USP25: variants seen among roughly 807,000 people sequenced by gnomAD.
USP25 encodes the protein ubiquitin carboxyl-terminal hydrolase 25.
A neutral mutation model predicts 158.5 loss-of-function variants in USP25; 85 were observed. The ratio of observed to expected loss-of-function variants is 0.54; its 90% CI spans 0.45 to 0.64. The LOEUF is 0.64. USP25 is among the 30% of genes least tolerant of loss of function. USP25 has a pLI of 0.00. For missense variants in USP25, 1,242 were observed against 1,327.3 expected, an observed-to-expected ratio of 0.94 and a Z score of 1.00; for synonymous variants, 464 against 460.4, an observed-to-expected ratio of 1.01 and a Z score of -0.10.
intron 10 of USP25, among the ~76,000 whole-genome samples, chr21:15,820,816 A>G (rs1224624598): frequency 6.6e-6 from 1 of 151,914 alleles, no homozygotes; most frequent in Admixed American, 6.6e-5. Context: ...GGCCCAGAGA[A>G]CATCTTATTT....
chr21:15,791,726 G>C, intron 5 of USP25, 62 bp downstream of exon 5: 2 of 1,519,730 alleles, frequency 1.3e-6, no homozygotes, highest in Non-Finnish European at 1.8e-6. Context: ...AAAGTGAGTT[G>C]GTTGTGTTTA....
intron 3 of USP25, among the ~76,000 whole-genome samples, chr21:15,777,568 TTGTATTGATTTCAATTTTTGTTGATAA>T (rs2034730205): frequency 6.6e-6 from 1 of 152,168 alleles, no homozygotes; most frequent in Non-Finnish European, 1.5e-5. Context: ...CAATGTTTAA[TTGTATTGATTTCAATTTTTGTTGATAA>T]ACCATTCTCA....
At chr21:15,832,867 A>T (rs1466418923) in intron 16 of USP25, among the ~76,000 whole-genome samples, 1 of 152,020 alleles carries the variant, frequency 6.6e-6, no homozygotes, top group Non-Finnish European at 1.5e-5. Context: ...AATACAAAAA[A>T]ATTAGCCGGG....
At position 15,833,517 on chromosome 21, in the gene USP25, A is replaced by C; in HGVS notation, c.2163A>C (p.Lys721Asn). The change falls in exon 17 of 26, where the codon AAA becomes AAC. Residue 721 changes from lysine (K) to asparagine (N), a missense_variant. Lys to Asn is a moderately conservative substitution (Grantham distance 94). This residue lies in a region of USP25 where 608 missense variants were observed against 605.2 expected (regional missense o/e 1.00). Transcript: ENST00000400183. ...ALQEKLLASQ[K>N]LRESETSVTT... ...AGGAAAAGCTTTTAGCGTCTCAGAA[A>C]TTGAGAGAGTCAGAGACTTCTGTGA... The C allele has an allele frequency of 6.2e-7, 1 of 1,613,982 alleles. No individual in the cohort carries two copies. Among genetic ancestry groups the C allele is most frequent in the South Asian group, 1.1e-5 (1 of 91,078 alleles).
intron 17 of USP25, among the ~76,000 whole-genome samples, chr21:15,836,243 A>G (rs1311073739): frequency 2.6e-5 from 4 of 152,184 alleles, no homozygotes; most frequent in African/African-American, 7.2e-5. Context: ...ATAAAATTCA[A>G]TTTCTACTGA....
intron 22 of USP25, among the ~76,000 whole-genome samples, chr21:15,868,372 CATTG>C (rs2039745287): frequency 1.3e-5 from 2 of 152,186 alleles, no homozygotes; most frequent in Non-Finnish European, 2.9e-5. Context: ...GTGCCCTCCA[CATTG>C]ATTGAGAGCT....
At chr21:15,758,417 G>C (rs1307302205) in intron 1 of USP25, among the ~76,000 whole-genome samples, 1 of 152,122 alleles carries the variant, frequency 6.6e-6, no homozygotes, top group African/African-American at 2.4e-5. Flanking sequence ...CTGTTCTCAT[G>C]ATAGTGAATA....
At position 15,775,739 on chromosome 21, in the gene USP25, ACCCCCC is replaced by A. The variant is rs57912569; in HGVS notation, c.269-2155_269-2150del. On this transcript the variant is annotated intron_variant, in intron 3 of 25. Transcript: ENST00000400183. ...CAAAGGCAACAGGATAATGGTTGCCACCCCCCCCCCCCCCCGCCCCCGCTGCACTCT... is the reference window on the plus strand; with the variant it reads ...CAAAGGCAACAGGATAATGGTTGCCACCCCCCCCCGCCCCCGCTGCACTCT... Among the ~76,000 whole-genome samples, 14 of 14,052 alleles carry A rather than the reference ACCCCCC, an allele frequency of 1.0e-3. 1 individual carries two copies. Among genetic ancestry groups the A allele is most frequent in the Non-Finnish European group, 1.7e-3 (13 of 7,728 alleles). The allele number at this position is 14,052 out of a possible 152,430, so 9.2% of individuals were successfully genotyped here.
intron 7 of USP25, among the ~76,000 whole-genome samples, chr21:15,806,859 A>G (rs962007847): frequency 2.7e-4 from 41 of 152,130 alleles, no homozygotes; most frequent in Non-Finnish European, 4.4e-5. Flanking sequence ...CATCTTTTGA[A>G]GTACACAGGA....
chr21:15,780,095 G>A (rs576576652), intron 4 of USP25, among the ~76,000 whole-genome samples: 1 of 152,210 alleles, frequency 6.6e-6, no homozygotes, highest in African/African-American at 2.4e-5. Context: ...TATATATTAT[G>A]CTTAAAAGTA....
rs1020868437 is a variant in USP25 at position 15,870,086 on chromosome 21, A to G, written c.2824A>G (p.Arg942Gly). 7.5e-6 allele frequency: 12 copies of G among 1,609,704 alleles called. No individual in the cohort carries two copies. The highest frequency in any genetic ancestry group is 1.0e-5 in the Non-Finnish European group (12 of 1,178,048). Residue 942 changes from arginine (R) to glycine (G), a missense_variant, in exon 23 of 26, where the codon AGG becomes GGG. Transcript: ENST00000400183. ...CCTACAGGAGTGGCATCAGGATTAT[A>G]GGAAATTCAGGGAAACAACTATGTA... ...EEYEEWHQDY[R>G]KFRETTMYLI...
intron 1 of USP25, among the ~76,000 whole-genome samples, chr21:15,757,599 T>G (rs1020189188): frequency 2.1e-4 from 32 of 152,340 alleles, no homozygotes; most frequent in African/African-American, 7.2e-4. Context: ...CTCACAGATT[T>G]GCTGGTTGGC....
intron 3 of USP25, among the ~76,000 whole-genome samples, chr21:15,772,408 C>T (rs1423141308): frequency 6.6e-6 from 1 of 152,096 alleles, no homozygotes; most frequent in Non-Finnish European, 1.5e-5. Context: ...ACAGTGGCAC[C>T]CAGCTAACTG....
rs775709289 is a variant in USP25, at chr21:15,870,109, G to C, written c.2847G>C (p.Met949Ile). The C allele has an allele frequency of 6.2e-7, 1 of 1,610,034 alleles. No individual in the cohort carries two copies. The highest frequency in any genetic ancestry group is 8.5e-7 in the Non-Finnish European group (1 of 1,178,232). The stretch of plus-strand genomic sequence containing the variant: ...ATAGGAAATTCAGGGAAACAACTAT[G>C]TATCTCATAATTGGGCTAGAAAATT... ...QDYRKFRETTMYLIIGLENFQ... is the reference protein window; with the variant it reads ...QDYRKFRETTIYLIIGLENFQ... The change falls in exon 23 of 26, where the codon ATG becomes ATC. Residue 949 changes from methionine to isoleucine, a missense_variant. Met to Ile is a conservative substitution (Grantham distance 10, BLOSUM62 1). Transcript: ENST00000400183.
intron 14 of USP25, among the ~76,000 whole-genome samples, chr21:15,829,854 A>G (rs887485115): frequency 5.9e-5 from 9 of 152,124 alleles, no homozygotes; most frequent in Non-Finnish European, 1.0e-4. Context: ...TGACAGGCTT[A>G]AGACAGGTCT....
intron 3 of USP25, among the ~76,000 whole-genome samples, chr21:15,773,816 G>A (rs565736856): frequency 3.3e-5 from 5 of 152,122 alleles, no homozygotes; most frequent in African/African-American, 1.2e-4. Flanking sequence ...TATTATGTTT[G>A]AATAACATAT....
intron 23 of USP25, 124 bp downstream of exon 23, chr21:15,870,271 G>A (rs927723713): frequency 2.2e-4 from 142 of 633,956 alleles, no homozygotes; most frequent in Admixed American, 3.6e-4. Flanking sequence ...TTTTATTTTA[G>A]ATCAGTTTTA....
intron 1 of USP25, among the ~76,000 whole-genome samples, chr21:15,733,871 G>T (rs918118911): frequency 6.6e-6 from 1 of 151,994 alleles, no homozygotes; most frequent in Admixed American, 6.6e-5. Context: ...ACAAAACAAT[G>T]AAAGCTTGAA....
At chr21:15,812,186 A>G (rs1380349539) in intron 9 of USP25, among the ~76,000 whole-genome samples, 5 of 151,354 alleles carry the variant, frequency 3.3e-5, no homozygotes, top group Non-Finnish European at 7.4e-5. Flanking sequence ...TACATAGTAC[A>G]TTTACGTTGG....
Sources: gnomAD v4.1 joint callset for allele counts (sites outside exome capture counted in the v4.1 genomes callset) on GRCh38, gnomAD v4.1.1 for gene constraint, gnomAD v4.1.1 regional missense constraint, MANE v1.5 for transcripts, NCBI Gene and HGNC (gene_info 2026-07-23, HGNC 2026-07-21) for gene names.